The following DNAH7 variants were observed in gnomAD, a reference collection of about 807,000 sequenced individuals.
The protein encoded by DNAH7 is dynein axonemal heavy chain 7.
In DNAH7, 397 loss-of-function variants were observed where a neutral mutation model predicts 444.6. The ratio of observed to expected loss-of-function variants is 0.89; its 90% CI spans 0.82 to 0.97. The LOEUF (loss-of-function observed/expected upper bound fraction) is 0.97, where lower values mean the gene tolerates loss of function less well. Ranked by LOEUF, DNAH7 falls within the 50% of genes least tolerant of loss-of-function variation. The pLI, the probability that DNAH7 is intolerant of heterozygous loss-of-function variation, is 0.00. For synonymous variants in DNAH7, 1,636 were observed against 1,624.4 expected, an observed-to-expected ratio of 1.01 and a Z score of -0.17; for missense variants, 4,902 against 4,800.8, an observed-to-expected ratio of 1.02 and a Z score of -0.62.
At chr2:195,867,294 C>T (rs1700401776) in intron 40 of DNAH7, among the ~76,000 whole-genome samples, 1 of 152,120 alleles carries the variant, frequency 6.6e-6, no homozygotes. Context: ...ATTCTATCAC[C>T]ACCTCTCACA....
At chr2:195,966,994 GTTTTATGT>G (rs1485817758) in intron 17 of DNAH7, among the ~76,000 whole-genome samples, 1 of 151,866 alleles carries the variant, frequency 6.6e-6, no homozygotes, top group Non-Finnish European at 1.5e-5. Flanking sequence ...CTGCCATTTT[GTTTTATGT>G]TTTCTGGTTG....
chr2:195,764,629 C>T (rs1694490320), intron 61 of DNAH7, among the ~76,000 whole-genome samples: 2 of 151,854 alleles, frequency 1.3e-5, no homozygotes, highest in Non-Finnish European at 2.9e-5. Flanking sequence ...AATCAAGAAT[C>T]CCATTTACAA....
chr2:195,957,527 G>T, intron 18 of DNAH7, 80 bp from the exon 19 acceptor site: 2 of 1,135,754 alleles, frequency 1.8e-6, no homozygotes, highest in South Asian at 2.2e-5. Context: ...ACCACAACTA[G>T]GTTGTCAATG....
intron 1 of DNAH7, among the ~76,000 whole-genome samples, chr2:196,061,155 G>A (rs1022975206): frequency 1.3e-5 from 2 of 152,018 alleles, no homozygotes; most frequent in Non-Finnish European, 1.5e-5. Context: ...ATGAAGTCTA[G>A]TCATCATGAT....
chr2:195,777,985 C>A lies in DNAH7; in HGVS notation c.10879G>T (p.Glu3627Ter). The A allele has an allele frequency of 6.3e-7, 1 of 1,597,434 alleles. No individual in the cohort carries two copies. Among genetic ancestry groups the A allele is most frequent in the Non-Finnish European group, 8.6e-7 (1 of 1,168,886 alleles). The stretch of plus-strand genomic sequence containing the variant: ...TACCGCAGAGCCTCATACGGCAGTT[C>A]CTAAAATAGTGCGTGTCAGTCAACC... ...QLHMFLNQYE[E>*]LPYEALRYMT... The change falls in exon 59 of 65, where the codon GAA becomes TAA. Residue 3627 changes from glutamate to a stop codon, truncating the protein, a stop_gained and splice_region_variant. Transcript: ENST00000312428. LOFTEE classifies it high-confidence loss of function.
chr2:195,922,279 C>T lies in DNAH7; in HGVS notation c.3826-82G>A, dbSNP rs558534981. On this transcript the variant is annotated intron_variant, in intron 23 of 64. Coordinates refer to ENST00000312428, the MANE Select transcript of DNAH7 (RefSeq NM_018897.3). Reference sequence around the variant, plus strand: ...CTCAAGCTCTTTAATAAGTAATAACCATAATATAGACATCTTTAAAGTTCA... The same window carrying T: ...CTCAAGCTCTTTAATAAGTAATAACTATAATATAGACATCTTTAAAGTTCA... 6.0e-5 allele frequency: 47 copies of T among 789,182 alleles called. 1 individual carries two copies. In the South Asian group the frequency reaches 7.9e-4, roughly 13 times the overall value. 48.9% of individuals were successfully genotyped at this position (789,182 alleles called of 1,614,324 possible).
At chr2:196,050,272 T>C (rs1697381604) in intron 3 of DNAH7, among the ~76,000 whole-genome samples, 1 of 151,860 alleles carries the variant, frequency 6.6e-6, no homozygotes, top group Non-Finnish European at 1.5e-5. Context: ...ATTCCACCAA[T>C]ATGAAATACC....
At chr2:195,887,382 TC>T (rs1420269832) in intron 33 of DNAH7, among the ~76,000 whole-genome samples, 1 of 152,188 alleles carries the variant, frequency 6.6e-6, no homozygotes, top group African/African-American at 2.4e-5. Flanking sequence ...CAGCCAAACT[TC>T]TTGAAAGAGC....
intron 62 of DNAH7, among the ~76,000 whole-genome samples, 177 bp downstream of exon 62, chr2:195,755,956 G>A (rs1304683261): frequency 2.0e-5 from 3 of 152,178 alleles, no homozygotes; most frequent in Non-Finnish European, 4.4e-5. Context: ...TTTAGTGCTA[G>A]CTTTTTGACA....
chr2:195,975,033 T>C (rs1217794785), intron 15 of DNAH7, among the ~76,000 whole-genome samples: 1 of 152,160 alleles, frequency 6.6e-6, no homozygotes, highest in Non-Finnish European at 1.5e-5. Context: ...AAAATCAGGA[T>C]CGAGGCAGAG....
Position 195,960,809 on chromosome 2 carries a change from C to CTA in DNAH7, c.2340_2341dup (p.Arg781IlefsTer12). The stretch of plus-strand genomic sequence containing the variant: ...ATGATATGGCCCTTCTGTCCATGCT[C>CTA]TATAGTTGCTGCTAAATTCGACAGC... On this transcript the variant is annotated frameshift_variant, in exon 18 of 65. Coordinates refer to ENST00000312428, the MANE Select transcript of DNAH7 (RefSeq NM_018897.3). LOFTEE classifies it high-confidence loss of function. 6.2e-7 allele frequency: 1 copy of CTA among 1,614,100 alleles called. No homozygotes were observed. Among genetic ancestry groups the CTA allele is most frequent in the Non-Finnish European group, 8.5e-7 (1 of 1,180,020 alleles).
intron 56 of DNAH7, among the ~76,000 whole-genome samples, chr2:195,795,638 T>C (rs1473591095): frequency 6.6e-6 from 1 of 152,138 alleles, no homozygotes; most frequent in Non-Finnish European, 1.5e-5. Context: ...AAGAGTGCTG[T>C]AGGTCATGTT....
intron 19 of DNAH7, among the ~76,000 whole-genome samples, chr2:195,945,091 A>G (rs1574844749): frequency 6.6e-6 from 1 of 151,994 alleles, no homozygotes; most frequent in East Asian, 1.9e-4. Context: ...AGTGGGTCAT[A>G]AACAATCCTA....
At chr2:195,848,186 G>A (rs1699128602) in intron 46 of DNAH7, among the ~76,000 whole-genome samples, 2 of 152,180 alleles carry the variant, frequency 1.3e-5, no homozygotes, top group Admixed American at 1.3e-4. Context: ...TGCTGAGTAG[G>A]CTGGACCAAC....
intron 47 of DNAH7, among the ~76,000 whole-genome samples, chr2:195,841,978 CAG>C (rs1324972174): frequency 5.3e-5 from 8 of 152,110 alleles, no homozygotes; most frequent in Middle Eastern, 6.8e-3. Context: ...CAATACATTT[CAG>C]AGTTTTGATA....
At chr2:195,823,431 A>C (rs1217644143) in intron 49 of DNAH7, among the ~76,000 whole-genome samples, 1 of 152,106 alleles carries the variant, frequency 6.6e-6, no homozygotes, top group African/African-American at 2.4e-5. Context: ...ATGTTTATTC[A>C]TCTTGGAGGG....
intron 47 of DNAH7, among the ~76,000 whole-genome samples, chr2:195,838,068 A>G (rs1323913156): frequency 6.6e-6 from 1 of 152,174 alleles, no homozygotes; most frequent in Non-Finnish European, 1.5e-5. Context: ...GCTTTAAACA[A>G]TATCATAAAT....
chr2:195,908,000 AC>A (rs762107746), intron 25 of DNAH7, among the ~76,000 whole-genome samples: 1 of 152,000 alleles, frequency 6.6e-6, no homozygotes, highest in Non-Finnish European at 1.5e-5. Flanking sequence ...CTAATTTTCT[AC>A]CCCCATTATT....
Position 195,895,025 on chromosome 2 carries a change from GTTTTTCCTC to G in DNAH7, c.4838_4846del (p.Gly1613_Thr1616delinsAla), listed in dbSNP as rs1415077957. On this transcript the variant is annotated inframe_deletion, in exon 30 of 65. Coordinates refer to ENST00000312428, the MANE Select transcript of DNAH7 (RefSeq NM_018897.3). ...TCCAGCTAAGACACGATATGCACTAGTTTTTCCTCCAAATGGTTCTCCAACAATCATAAA... is the reference window on the plus strand; with the variant it reads ...TCCAGCTAAGACACGATATGCACTAGCAAATGGTTCTCCAACAATCATAAA... 1.9e-6 allele frequency: 3 copies of G among 1,612,766 alleles called. No homozygotes were observed. In the African/African-American group the frequency reaches 4.0e-5, roughly 22 times the overall value.
Sources: gnomAD v4.1 joint callset for allele counts (sites outside exome capture counted in the v4.1 genomes callset) on GRCh38, gnomAD v4.1.1 for gene constraint, MANE v1.5 for transcripts, NCBI Gene and HGNC (gene_info 2026-07-23, HGNC 2026-07-21) for gene names.